Variants in CDH15 observed in about 807,000 individuals in gnomAD.
The protein encoded by CDH15 is cadherin 15, also known as cadherin-15.
Under a neutral mutation model 69.4 loss-of-function variants are expected in CDH15, and 73 were observed. The ratio of observed to expected loss-of-function variants is 1.05; its 90% CI spans 0.87 to 1.28. CDH15 has a LOEUF of 1.28. Among genes scored for constraint, CDH15 ranks in the 50% most tolerant of loss-of-function variants. The pLI, the probability that CDH15 is intolerant of heterozygous loss-of-function variation, is 0.00. For missense variants in CDH15, 1,343 were observed against 1,133.6 expected (o/e 1.18, Z -2.65); for synonymous variants, 624 against 507.7 (o/e 1.23, Z -3.08).
rs1337498623 is a variant in CDH15, at chr16:89,195,045, A to G, written c.2335A>G (p.Met779Val). 6.2e-7 allele frequency: 1 copy of G among 1,612,520 alleles called. No homozygotes were observed. Among genetic ancestry groups the G allele is most frequent in the South Asian group, 1.1e-5 (1 of 91,078 alleles). The part of the protein sequence containing the change: ...WGPRFARLAD[M>V]YGHPCGLEYG... ...GCCCCGCTTCGCCCGGCTGGCAGAC[A>G]TGTATGGGCACCCGTGCGGGTTGGA... is the stretch of plus-strand genomic sequence containing the variant. Residue 779 changes from methionine (M) to valine (V), a missense_variant, in exon 14 of 14, where the codon ATG (methionine) becomes GTG (valine). Transcript: ENST00000289746.
rs548168489 is a variant in CDH15 at position 89,194,767 on chromosome 16, G to A, written c.2152-95G>A. The A allele has an allele frequency of 6.3e-5, 81 of 1,283,386 alleles. 2 individuals carry two copies. The highest frequency in any genetic ancestry group is 5.1e-4 in the Middle Eastern group (2 of 3,948). 79.5% of individuals were successfully genotyped at this position (1,283,386 alleles called of 1,614,324 possible). On this transcript the variant is annotated intron_variant, in intron 13 of 13. Coordinates refer to ENST00000289746, the MANE Select transcript of CDH15 (RefSeq NM_004933.3). ...TGGGCAGCTTCCCCTTCCTGAGCCC[G>A]TGCCTTGAGCTGACTTTGCCCTGGG...
chr16:89,173,934 G>A lies in CDH15; in HGVS notation c.42+2061G>A, dbSNP rs561963219. The stretch of plus-strand genomic sequence containing the variant: ...CTTGACTCACAGAGAACCCCAGCCT[G>A]CTGGGAAGGTCCCCACTTCTGCATC... On this transcript the variant is annotated intron_variant, in intron 1 of 13. Coordinates refer to ENST00000289746, the MANE Select transcript of CDH15 (RefSeq NM_004933.3). 3.3e-5 allele frequency among the ~76,000 whole-genome samples: 5 copies of A among 152,350 alleles called. No homozygotes were observed. In the South Asian group the frequency reaches 1.0e-3, roughly 32 times the overall value.
At chr16:89,179,959 G>A (rs1031297823) in intron 2 of CDH15, among the ~76,000 whole-genome samples, 2 of 152,220 alleles carry the variant, frequency 1.3e-5, no homozygotes, top group African/African-American at 4.8e-5. Flanking sequence ...CAGAGACCAG[G>A]GCCCTGAGGA....
Position 89,183,666 on chromosome 16 carries a change from GC to G in CDH15, c.478del (p.Arg160AlafsTer12). 1.2e-6 allele frequency: 2 copies of G among 1,609,694 alleles called. No homozygotes were observed. Among genetic ancestry groups the G allele is most frequent in the East Asian group, 2.2e-5 (1 of 44,756 alleles). On this transcript the variant is annotated frameshift_variant, in exon 4 of 14. Transcript: ENST00000289746. LOFTEE classifies it high-confidence loss of function. ...GCCTTCCTGCAGGAGGCGTTCACTGGCCGCGTGCTGGAGGGTGCAGTCCCAG... is the reference window on the plus strand; with the variant it reads ...GCCTTCCTGCAGGAGGCGTTCACTGGCGCGTGCTGGAGGGTGCAGTCCCAG... The part of the protein sequence containing the change: ...RPAFLQEAFT[G>X]RVLEGAVPGT...
chr16:89,185,973 G>A (rs558636179), intron 5 of CDH15: 1 of 159,848 alleles, frequency 6.3e-6, no homozygotes, highest in South Asian at 1.5e-4. Context: ...GCGCAGAGTA[G>A]GTGCTCTGTA....
chr16:89,180,302 G>T lies in CDH15; in HGVS notation c.304G>T (p.Gly102Trp). The change falls in exon 3 of 14, where the codon GGG becomes TGG. Residue 102 changes from glycine to tryptophan, a missense_variant. Physicochemically the swap from Gly to Trp is radical, Grantham distance 184 (BLOSUM62 -2). Transcript: ENST00000289746. The part of the protein sequence containing the change: ...RGVFSIDKFT[G>W]KVFLNAMLDR... Reference sequence around the variant, plus strand: ...CGTCTTCTCTATCGACAAGTTCACAGGGAAGGTCTTCCTCAATGCCATGCT... The same window carrying T: ...CGTCTTCTCTATCGACAAGTTCACATGGAAGGTCTTCCTCAATGCCATGCT... 1 of 1,612,384 alleles carries T rather than the reference G, an allele frequency of 6.2e-7. No individual in the cohort carries two copies. Among genetic ancestry groups the T allele is most frequent in the Non-Finnish European group, 8.5e-7 (1 of 1,179,456 alleles).
intron 2 of CDH15, 41 bp from the exon 3 acceptor site, chr16:89,180,159 G>T: frequency 1.9e-6 from 3 of 1,605,938 alleles, no homozygotes; most frequent in South Asian, 1.1e-5. Context: ...AGAGGCCCCC[G>T]CCCGGAGCAG....
At chr16:89,192,470 G>A (rs1446358862) in intron 11 of CDH15, 26 bp downstream of exon 11, 4 of 1,554,922 alleles carry the variant, frequency 2.6e-6, no homozygotes, top group Non-Finnish European at 2.6e-6. Context: ...GCCTCCACCT[G>A]GACCCTCGGA....
chr16:89,192,158 G>C (rs1429570880), intron 10 of CDH15, 47 bp from the exon 11 acceptor site: 4 of 1,485,488 alleles, frequency 2.7e-6, no homozygotes, highest in Non-Finnish European at 2.7e-6. Flanking sequence ...CAGGCGAAGT[G>C]GGGGCGGCCT....
intron 3 of CDH15, among the ~76,000 whole-genome samples, chr16:89,180,822 C>T (rs1915359467): frequency 6.6e-6 from 1 of 151,974 alleles, no homozygotes; most frequent in African/African-American, 2.4e-5. Flanking sequence ...CTCCCGGGTT[C>T]ACGCCATTCT....
chr16:89,193,363 T>G, intron 11 of CDH15, 107 bp from the exon 12 acceptor site: 3 of 426,290 alleles, frequency 7.0e-6, no homozygotes, highest in South Asian at 2.1e-5. Context: ...CCACCCCTGC[T>G]TACCAGCCTT....
intron 1 of CDH15, among the ~76,000 whole-genome samples, chr16:89,176,341 C>T (rs933253734): frequency 2.6e-5 from 4 of 152,110 alleles, no homozygotes; most frequent in Non-Finnish European, 4.4e-5. Context: ...CCAGCAGGGG[C>T]GTGGTGGTCA....
chr16:89,193,772 C>G lies in CDH15; in HGVS notation c.2010C>G (p.Ser670Arg), dbSNP rs1311732105. ...GCCCACAGGACGCCTACGACATCAG[C>G]CAGCTGCGTCACCCGACAGCGCTGA... ...GEEDQDAYDI[S>R]QLRHPTALSL... The change falls in exon 13 of 14, where the codon AGC becomes AGG. Residue 670 changes from serine to arginine, a missense_variant. Ser to Arg is a moderately radical substitution (Grantham distance 110, BLOSUM62 -1). Coordinates refer to ENST00000289746, the MANE Select transcript of CDH15 (RefSeq NM_004933.3). 3 of 1,604,682 alleles carry G rather than the reference C, an allele frequency of 1.9e-6. No homozygotes were observed. The highest frequency in any genetic ancestry group is 2.5e-6 in the Non-Finnish European group (3 of 1,179,046).
At chr16:89,173,092 G>T (rs552393143) in intron 1 of CDH15, among the ~76,000 whole-genome samples, 3 of 151,980 alleles carry the variant, frequency 2.0e-5, no homozygotes, top group African/African-American at 7.2e-5. Context: ...AGGGCACCAC[G>T]GCTCCTGCCA....
chr16:89,187,571 C>T lies in CDH15; in HGVS notation c.792+14C>T, dbSNP rs1385998026. On this transcript the variant is annotated intron_variant, in intron 6 of 13. Coordinates refer to ENST00000289746, the MANE Select transcript of CDH15 (RefSeq NM_004933.3). ...ACCAGGGATGAGGTGCTGCTGCTGT[C>T]CCTCCCTCGAAAGTAGCCCCTGCTT... 1.9e-6 allele frequency: 3 copies of T among 1,613,120 alleles called. No homozygotes were observed. Among genetic ancestry groups the T allele is most frequent in the East Asian group, 4.5e-5 (2 of 44,896 alleles).
At position 89,195,130 on chromosome 16, in the gene CDH15, CCAGACA is replaced by C; in HGVS notation, c.2425_2430del (p.His809_Arg810del). ...GGTCTTTCTCCTGGGGCACTGCTAC[CCAGACA>C]CAGAGGCCGGACAGCCTGACCCTGG... On this transcript the variant is annotated inframe_deletion, in exon 14 of 14. Transcript: ENST00000289746. The C allele has an allele frequency of 6.2e-7, 1 of 1,601,550 alleles. No homozygotes were observed. Among genetic ancestry groups the C allele is most frequent in the Non-Finnish European group, 8.5e-7 (1 of 1,173,488 alleles).
chr16:89,187,703 C>CCAA, intron 6 of CDH15, 146 bp downstream of exon 6: 15 of 1,228,242 alleles, frequency 1.2e-5, no homozygotes, highest in Middle Eastern at 1.9e-4. Flanking sequence ...GGGTGGAAGC[C>CCAA]CAAGCTGGAG....
At chr16:89,176,608 A>G (rs1277771035) in intron 1 of CDH15, among the ~76,000 whole-genome samples, 1 of 151,096 alleles carries the variant, frequency 6.6e-6, no homozygotes, top group African/African-American at 2.4e-5. Context: ...CCTCTGTAGT[A>G]GGCACAGGAC....
intron 5 of CDH15, 64 bp from the exon 6 acceptor site, chr16:89,187,365 C>T: frequency 6.2e-7 from 1 of 1,602,042 alleles, no homozygotes; most frequent in Non-Finnish European, 8.5e-7. Context: ...GCTCCCACCC[C>T]TGACCAGTCC....
Sources: gnomAD v4.1 joint callset for allele counts (sites outside exome capture counted in the v4.1 genomes callset) on GRCh38, gnomAD v4.1.1 for gene constraint, MANE v1.5 for transcripts, NCBI Gene and HGNC (gene_info 2026-07-23, HGNC 2026-07-21) for gene names.